The following PLCXD3 variants were observed in gnomAD, a reference collection of about 807,000 sequenced individuals.
The protein encoded by PLCXD3 is PI-PLC X domain-containing protein 3.
In PLCXD3, 19 loss-of-function variants were observed where a neutral mutation model predicts 25.5. The ratio of observed to expected loss-of-function variants is 0.75; its 90% CI spans 0.52 to 1.09. The LOEUF (loss-of-function observed/expected upper bound fraction) is 1.09, where lower values mean the gene tolerates loss of function less well. PLCXD3 is among the 50% of genes least tolerant of loss of function. PLCXD3 has a pLI of 0.00. For synonymous variants in PLCXD3, 174 were observed against 137.6 expected (o/e 1.26, Z -1.85); for missense variants, 411 against 388.1 (o/e 1.06, Z -0.50).
chr5:41,398,659 C>A (rs1450920963), intron 1 of PLCXD3, among the ~76,000 whole-genome samples: 2 of 151,966 alleles, frequency 1.3e-5, no homozygotes, highest in East Asian at 3.9e-4. Context: ...CTGAAAAAAA[C>A]ATAATATCCA....
At chr5:41,444,914 G>T (rs111859035) in intron 1 of PLCXD3, among the ~76,000 whole-genome samples, 2 of 152,112 alleles carry the variant, frequency 1.3e-5, no homozygotes, top group Non-Finnish European at 2.9e-5. Flanking sequence ...AGAATATTTT[G>T]GGGGTATTCT....
intron 2 of PLCXD3, among the ~76,000 whole-genome samples, chr5:41,337,804 T>A (rs1216832429): frequency 6.6e-6 from 1 of 152,148 alleles, no homozygotes; most frequent in Non-Finnish European, 1.5e-5. Flanking sequence ...TATAATTTCC[T>A]CCTGACAGTG....
intron 1 of PLCXD3, among the ~76,000 whole-genome samples, chr5:41,477,186 T>C (rs1748300786): frequency 6.6e-6 from 1 of 152,162 alleles, no homozygotes; most frequent in Admixed American, 6.5e-5. Context: ...AGTTCTCCTA[T>C]CTGAAAAATG....
chr5:41,442,764 T>G (rs375946818), intron 1 of PLCXD3, among the ~76,000 whole-genome samples: 2 of 152,172 alleles, frequency 1.3e-5, no homozygotes, highest in African/African-American at 4.8e-5. Context: ...TAGCTAGCCC[T>G]TAATCCCTTC....
intron 1 of PLCXD3, among the ~76,000 whole-genome samples, chr5:41,398,781 C>T (rs1013935871): frequency 9.2e-5 from 14 of 152,032 alleles, no homozygotes; most frequent in African/African-American, 3.4e-4. Flanking sequence ...CGGAGAAAAA[C>T]TCTAAAATCT....
chr5:41,404,123 G>A (rs1442463799), intron 1 of PLCXD3, among the ~76,000 whole-genome samples: 1 of 152,100 alleles, frequency 6.6e-6, no homozygotes, highest in Non-Finnish European at 1.5e-5. Flanking sequence ...GGAGTGCACT[G>A]AAAGCATCAT....
intron 1 of PLCXD3, among the ~76,000 whole-genome samples, chr5:41,391,033 G>A (rs183178779): frequency 1.3e-5 from 2 of 152,316 alleles, no homozygotes; most frequent in Admixed American, 1.3e-4. Flanking sequence ...CCTAGCCAGA[G>A]GGAGAATTGC....
chr5:41,466,319 A>G (rs1045782896), intron 1 of PLCXD3, among the ~76,000 whole-genome samples: 1 of 152,112 alleles, frequency 6.6e-6, no homozygotes, highest in African/African-American at 2.4e-5. Context: ...TTAGCAATGT[A>G]GGGAGAAAAA....
At chr5:41,322,588 T>C (rs976920418) in intron 2 of PLCXD3, among the ~76,000 whole-genome samples, 18 of 152,246 alleles carry the variant, frequency 1.2e-4, no homozygotes, top group African/African-American at 3.9e-4. Context: ...AATCAGTATA[T>C]TGAAGAGATA....
chr5:41,344,310 T>A (rs1744244443), intron 2 of PLCXD3, among the ~76,000 whole-genome samples: 1 of 152,070 alleles, frequency 6.6e-6, no homozygotes, highest in Admixed American at 6.5e-5. Context: ...TTAGAAAGAG[T>A]AGACTCAATA....
chr5:41,384,759 C>G (rs1219630084), intron 1 of PLCXD3, among the ~76,000 whole-genome samples: 2 of 151,992 alleles, frequency 1.3e-5, no homozygotes, highest in Admixed American at 1.3e-4. Flanking sequence ...ATTATACTTG[C>G]TAGAGCACAT....
At chr5:41,313,914 A>G (rs965049836) in intron 2 of PLCXD3, 144 bp from the exon 3 acceptor site, 1 of 919,348 alleles carries the variant, frequency 1.1e-6, no homozygotes. Flanking sequence ...GGCCAAATGG[A>G]CTCTGGGGAT....
intron 1 of PLCXD3, among the ~76,000 whole-genome samples, chr5:41,481,615 T>C (rs1050123976): frequency 1.8e-4 from 28 of 152,220 alleles, no homozygotes; most frequent in African/African-American, 6.5e-4. Flanking sequence ...TCTGAAATTA[T>C]CCCAGTCAGG....
At chr5:41,367,553 A>C (rs746954151) in intron 2 of PLCXD3, among the ~76,000 whole-genome samples, 8 of 152,072 alleles carry the variant, frequency 5.3e-5, no homozygotes, top group Non-Finnish European at 1.0e-4. Flanking sequence ...CTTTGTCAGA[A>C]GGATAGATTG....
In PLCXD3 at chr5:41,308,685, C is replaced by T. The variant is rs1178233203; in HGVS notation, c.*4932G>A. On this transcript the variant is annotated 3_prime_UTR_variant, in exon 3 of 3. Coordinates refer to ENST00000377801, the MANE Select transcript of PLCXD3 (RefSeq NM_001005473.3). ...AAGCTCTCCTAACACCAAGGCAGTT[C>T]ATCTTACTTGGGAAGATTGAATTTT... 3.9e-5 allele frequency: 6 copies of T among 152,062 alleles called. No homozygotes were observed. The highest frequency in any genetic ancestry group is 7.4e-5 in the Non-Finnish European group (5 of 68,010). The allele number at this position is 152,062 out of a possible 1,614,324, so 9.4% of individuals were successfully genotyped here.
intron 1 of PLCXD3, among the ~76,000 whole-genome samples, chr5:41,389,121 G>A (rs377192946): frequency 3.2e-4 from 49 of 152,028 alleles, no homozygotes; most frequent in African/African-American, 1.1e-3. Context: ...GAGGAACTAA[G>A]TAAAAATGAC....
chr5:41,412,022 C>G (rs2150503575), intron 1 of PLCXD3, among the ~76,000 whole-genome samples: 1 of 151,348 alleles, frequency 6.6e-6, no homozygotes, highest in South Asian at 2.1e-4. Flanking sequence ...ATAGCTGCAC[C>G]ATTTAGAGCA....
At chr5:41,352,721 C>CT (rs1343616271) in intron 2 of PLCXD3, among the ~76,000 whole-genome samples, 1 of 152,166 alleles carries the variant, frequency 6.6e-6, no homozygotes, top group Non-Finnish European at 1.5e-5. Flanking sequence ...TTCTTAACAG[C>CT]TGAAAAATTC....
At chr5:41,480,798 G>A (rs1184609455) in intron 1 of PLCXD3, among the ~76,000 whole-genome samples, 1 of 151,998 alleles carries the variant, frequency 6.6e-6, no homozygotes, top group Non-Finnish European at 1.5e-5. Context: ...GCGGGCACCT[G>A]TAGTCCCAGC....
Sources: gnomAD v4.1 joint callset for allele counts (sites outside exome capture counted in the v4.1 genomes callset) on GRCh38, gnomAD v4.1.1 for gene constraint, MANE v1.5 for transcripts, NCBI Gene and HGNC (gene_info 2026-07-23, HGNC 2026-07-21) for gene names.